The following RFXANK variants were observed in gnomAD, a reference collection of about 807,000 sequenced individuals.
RFXANK encodes DNA-binding protein RFXANK.
In RFXANK, 19 loss-of-function variants were observed where a neutral mutation model predicts 34.5. The ratio of observed to expected loss-of-function variants is 0.55; its 90% confidence interval spans 0.38 to 0.81. The LOEUF (loss-of-function observed/expected upper bound fraction) is 0.81, where lower values mean the gene tolerates loss of function less well. Ranked by LOEUF, RFXANK falls within the 30% of genes least tolerant of loss-of-function variation. The pLI, the probability that RFXANK is intolerant of heterozygous loss-of-function variation, is 0.00. For missense variants in RFXANK, 295 were observed against 343.5 expected (o/e 0.86, Z 1.12); for synonymous variants, 154 against 149.8 (o/e 1.03, Z -0.20).
intron 3 of RFXANK, 142 bp downstream of exon 3, chr19:19,194,275 C>T (rs2060557101): frequency 3.3e-6 from 3 of 921,518 alleles, no homozygotes; most frequent in Non-Finnish European, 5.1e-6. Flanking sequence ...TCTTGTTGCC[C>T]ATGCTGGAGT....
Position 19,198,924 on chromosome 19 carries a change from C to T in RFXANK, c.631+201C>T, listed in dbSNP as rs146455898. 5.8e-4 allele frequency: 439 copies of T among 754,660 alleles called. 4 individuals carry two copies. Among genetic ancestry groups the T allele is most frequent in the South Asian group, 3.4e-3 (234 of 68,204 alleles). 46.7% of individuals were successfully genotyped at this position (754,660 alleles called of 1,614,324 possible). On this transcript the variant is annotated intron_variant, in intron 8 of 9. Coordinates refer to ENST00000303088, the MANE Select transcript of RFXANK (RefSeq NM_003721.4). Reference sequence around the variant, plus strand: ...GTCGGGGTCTGGGTTTAGGATCTGGCCAAGAGGCTAAGCACCTCCATCCTC... The same window carrying T: ...GTCGGGGTCTGGGTTTAGGATCTGGTCAAGAGGCTAAGCACCTCCATCCTC...
In RFXANK at chr19:19,192,515, G is replaced by C. The variant is rs1387416809; in HGVS notation, c.-189G>C. The C allele has an allele frequency of 4.4e-6, 1 of 227,900 alleles. No individual in the cohort carries two copies. Among genetic ancestry groups the C allele is most frequent in the Non-Finnish European group, 8.8e-6 (1 of 113,794 alleles). 14.1% of individuals were successfully genotyped at this position (227,900 alleles called of 1,614,324 possible). A position where few individuals can be genotyped will look rare whatever the true frequency, so the allele number is the denominator to read the frequency against. ...CCCGCCCTTGCTTATAAGCCTTTGAGACCGCAGAAGGGACCTTGTTGTGGA... is the reference window on the plus strand; with the variant it reads ...CCCGCCCTTGCTTATAAGCCTTTGACACCGCAGAAGGGACCTTGTTGTGGA... On this transcript the variant is annotated 5_prime_UTR_variant, in exon 1 of 10. Transcript: ENST00000303088.
intron 9 of RFXANK, among the ~76,000 whole-genome samples, chr19:19,199,549 T>C (rs1262646638): frequency 3.3e-5 from 5 of 152,018 alleles, no homozygotes. Context: ...AGAGGCTTCC[T>C]GGAGGAAGGT....
intron 7 of RFXANK, among the ~76,000 whole-genome samples, chr19:19,198,453 G>C (rs933388246): frequency 2.6e-5 from 4 of 152,240 alleles, no homozygotes; most frequent in African/African-American, 9.6e-5. Context: ...CAGATGCACA[G>C]GTGGCTACAA....
At chr19:19,199,074 C>T in intron 8 of RFXANK, 80 bp from the exon 9 acceptor site, 1 of 1,337,280 alleles carries the variant, frequency 7.5e-7, no homozygotes, top group Non-Finnish European at 1.1e-6. Flanking sequence ...ATGAGGGGTG[C>T]CATGGGATCT....
rs2060498804 is a variant in RFXANK at position 19,192,443 on chromosome 19, G to A, written c.-261G>A. The A allele has an allele frequency of 2.3e-6, 1 of 432,986 alleles. No homozygotes were observed. Among genetic ancestry groups the A allele is most frequent in the Non-Finnish European group, 4.2e-6 (1 of 237,838 alleles). 26.8% of individuals were successfully genotyped at this position (432,986 alleles called of 1,614,324 possible). A position where few individuals can be genotyped will look rare whatever the true frequency, so the allele number is the denominator to read the frequency against. On this transcript the variant is annotated 5_prime_UTR_variant, in exon 1 of 10. Coordinates refer to ENST00000303088, the MANE Select transcript of RFXANK (RefSeq NM_003721.4). ...GAGACGAGTTGGGGGAGTCCTCCAC[G>A]CATTACCCACTCGGGCCGCAAAAAC...
In RFXANK at chr19:19,197,486, G is replaced by A. The variant is rs367604677; in HGVS notation, c.338-35G>A. On this transcript the variant is annotated intron_variant, in intron 5 of 9. Transcript: ENST00000303088. Reference sequence around the variant, plus strand: ...AGCACTGGGGATAGGGGGCAGGGGTGCAGCCTGGTGGTATTGCCCGCCTCC... The same window carrying A: ...AGCACTGGGGATAGGGGGCAGGGGTACAGCCTGGTGGTATTGCCCGCCTCC... The A allele has an allele frequency of 4.4e-6, 7 of 1,602,206 alleles. No homozygotes were observed. The African/African-American group carries it at 9.4e-5, about 21-fold the overall frequency.
intron 3 of RFXANK, 69 bp from the exon 4 acceptor site, chr19:19,196,894 T>G (rs1375943844): frequency 5.1e-6 from 7 of 1,381,056 alleles, no homozygotes; most frequent in Non-Finnish European, 6.1e-6. Flanking sequence ...AAAAAACAGA[T>G]GGGCTTCTGT....
chr19:19,201,575 G>C (rs769460102), intron 9 of RFXANK, 74 bp from the exon 10 acceptor site: 22 of 1,610,796 alleles, frequency 1.4e-5, no homozygotes, highest in Middle Eastern at 3.3e-4. Context: ...TAAGGGGAGA[G>C]CGCAGGTTGG....
In RFXANK at chr19:19,199,195, A is replaced by G; in HGVS notation, c.673A>G (p.Thr225Ala). 5 of 1,613,710 alleles carry G rather than the reference A, an allele frequency of 3.1e-6. No individual in the cohort carries two copies. The highest frequency in any genetic ancestry group is 2.2e-5 in the East Asian group (1 of 44,848). The change falls in exon 9 of 10, where the codon ACC becomes GCC. Residue 225 changes from threonine to alanine, a missense_variant. Physicochemically the swap from Thr to Ala is moderately conservative, Grantham distance 58 (BLOSUM62 0). Transcript: ENST00000303088. ...CACCACCGAAGCCGACTCTGGCTAC[A>G]CCCCGATGGACCTTGCCGTGGCCCT... ...DLTTEADSGYTPMDLAVALGY... is the reference protein window; with the variant it reads ...DLTTEADSGYAPMDLAVALGY...
intron 3 of RFXANK, 110 bp downstream of exon 3, chr19:19,194,243 G>A: frequency 8.0e-7 from 1 of 1,257,806 alleles, no homozygotes; most frequent in Non-Finnish European, 1.1e-6. Flanking sequence ...TTGTTTTGTT[G>A]TTTTTTGAGA....
rs2146496301 is a variant in RFXANK, at chr19:19,198,721, T to C, written c.629T>C (p.Leu210Pro). The change falls in exon 8 of 10, where the codon CTG becomes CCG. Residue 210 changes from leucine to proline, a missense_variant and splice_region_variant. Leu to Pro is a moderately conservative substitution (Grantham distance 98). Transcript: ENST00000303088. ...CACGTGAAATGCGTTGAGGCCTTGCTGGGTGAGTGGGAGTCGGGAGTGGCC... is the reference window on the plus strand; with the variant it reads ...CACGTGAAATGCGTTGAGGCCTTGCCGGGTGAGTGGGAGTCGGGAGTGGCC... ...GNHVKCVEAL[L>P]ARGADLTTEA... The C allele has an allele frequency of 6.2e-7, 1 of 1,613,948 alleles. No homozygotes were observed.
Position 19,195,120 on chromosome 19 carries a change from G to A in RFXANK, c.187+987G>A, listed in dbSNP as rs537421779. On this transcript the variant is annotated intron_variant, in intron 3 of 9. Coordinates refer to ENST00000303088, the MANE Select transcript of RFXANK (RefSeq NM_003721.4). ...GCTGGAGTGCATGGAGTGCAGTGGC[G>A]CAATCTTGGCTCACTGCAAGCTCCA... Among the ~76,000 whole-genome samples the A allele has an allele frequency of 4.9e-3, 713 of 146,054 alleles. 11 individuals are homozygous for A. Among genetic ancestry groups the A allele is most frequent in the African/African-American group, 0.017 (682 of 39,034 alleles).
intron 4 of RFXANK, 52 bp downstream of exon 4, chr19:19,197,098 C>T (rs765982889): frequency 2.5e-6 from 4 of 1,611,000 alleles, no homozygotes; most frequent in Non-Finnish European, 2.5e-6. Context: ...GGTGGGAGGG[C>T]CTGTGAGGAG....
At chr19:19,198,930 G>T in intron 8 of RFXANK, 1 of 749,482 alleles carries the variant, frequency 1.3e-6, no homozygotes, top group South Asian at 1.5e-5. Flanking sequence ...CTGGCCAAGA[G>T]GCTAAGCACC....
chr19:19,195,014 C>T (rs1043392521), intron 3 of RFXANK, among the ~76,000 whole-genome samples: 2 of 151,388 alleles, frequency 1.3e-5, no homozygotes, highest in African/African-American at 2.4e-5. Context: ...TGACTCCCCT[C>T]CCCTCCCTCC....
In RFXANK at chr19:19,192,330, G is replaced by A; in HGVS notation, c.-374G>A. 1 of 619,436 alleles carries A rather than the reference G, an allele frequency of 1.6e-6. No individual in the cohort carries two copies. The highest frequency in any genetic ancestry group is 2.8e-6 in the Non-Finnish European group (1 of 358,178). The allele number at this position is 619,436 out of a possible 1,614,324, so 38.4% of individuals were successfully genotyped here. On this transcript the variant is annotated 5_prime_UTR_variant, in exon 1 of 10. Coordinates refer to ENST00000303088, the MANE Select transcript of RFXANK (RefSeq NM_003721.4). ...ACCCGGGGGTGGCGCAGTGAGGAGG[G>A]GGCGCGACGGCCAGGAGGCTGGTGG...
intron 9 of RFXANK, 113 bp from the exon 10 acceptor site, chr19:19,201,536 G>A (rs1469650453): frequency 1.2e-6 from 2 of 1,603,964 alleles, no homozygotes; most frequent in Admixed American, 1.7e-5. Flanking sequence ...CTGTAATGCA[G>A]GTCTCTGCAA....
In RFXANK at chr19:19,201,814, G is replaced by A. The variant is rs1568586339; in HGVS notation, c.*95G>A. Reference sequence around the variant, plus strand: ...TGACTTCAAAGGCAGCTTCTGGACAGGTGGTGGGAGGGGACCCTTCCCAAG... The same window carrying A: ...TGACTTCAAAGGCAGCTTCTGGACAAGTGGTGGGAGGGGACCCTTCCCAAG... On this transcript the variant is annotated 3_prime_UTR_variant, in exon 10 of 10. Transcript: ENST00000303088. The A allele has an allele frequency of 1.2e-6, 2 of 1,612,120 alleles. No homozygotes were observed. Among genetic ancestry groups the A allele is most frequent in the South Asian group, 1.1e-5 (1 of 90,910 alleles).
Sources: allele counts gnomAD v4.1 joint callset (sites outside exome capture counted in the v4.1 genomes callset), GRCh38; gene constraint gnomAD v4.1.1; transcripts MANE v1.5; gene names NCBI Gene and HGNC (gene_info 2026-07-23, HGNC 2026-07-21).